The following TPD52L1 variants were observed in gnomAD, a reference collection of about 807,000 sequenced individuals.
TPD52L1 encodes tumor protein D53.
TPD52L1 carries 18 observed loss-of-function variants against 28.7 expected under a neutral mutation model. That is an observed-to-expected ratio of 0.63 (90% CI 0.43 to 0.93). The LOEUF (loss-of-function observed/expected upper bound fraction) is 0.93, where lower values mean the gene tolerates loss of function less well. TPD52L1 is among the 40% of genes least tolerant of loss of function. The pLI, the probability that TPD52L1 is intolerant of heterozygous loss-of-function variation, is 0.00. For missense variants in TPD52L1, 203 were observed against 254.8 expected, an observed-to-expected ratio of 0.80 and a Z score of 1.39; for synonymous variants, 75 against 88.8, an observed-to-expected ratio of 0.84 and a Z score of 0.88.
chr6:125,215,476 A>G (rs1421926630), intron 1 of TPD52L1, among the ~76,000 whole-genome samples: 1 of 152,210 alleles, frequency 6.6e-6, no homozygotes, highest in Non-Finnish European at 1.5e-5. Flanking sequence ...AAGATGTAAC[A>G]GGGAAAAATA....
chr6:125,234,423 G>A (rs1180054319), intron 3 of TPD52L1: 2 of 152,174 alleles, frequency 1.3e-5, no homozygotes, highest in Admixed American at 6.5e-5. Context: ...GCTGAAGTGA[G>A]GACAGGCACA....
intron 1 of TPD52L1, among the ~76,000 whole-genome samples, chr6:125,184,933 G>T (rs1040633783): frequency 2.0e-5 from 3 of 151,320 alleles, no homozygotes; most frequent in African/African-American, 7.3e-5. Context: ...TTAGGAATGT[G>T]TTGGATCAAA....
intron 4 of TPD52L1, among the ~76,000 whole-genome samples, chr6:125,249,217 T>C (rs1360981332): frequency 6.6e-6 from 1 of 151,714 alleles, no homozygotes; most frequent in East Asian, 1.9e-4. Flanking sequence ...AGTTTTATTT[T>C]GCATTTGGCT....
chr6:125,213,094 C>T (rs765037706), intron 1 of TPD52L1, among the ~76,000 whole-genome samples: 1 of 152,116 alleles, frequency 6.6e-6, no homozygotes, highest in South Asian at 2.1e-4. Context: ...ATTTACACTA[C>T]AGCTTGGTAT....
chr6:125,227,915 C>A (rs1440701670), intron 2 of TPD52L1, among the ~76,000 whole-genome samples: 1 of 152,136 alleles, frequency 6.6e-6, no homozygotes, highest in Non-Finnish European at 1.5e-5. Flanking sequence ...CCATACGAAG[C>A]CTTGTACATG....
intron 1 of TPD52L1, among the ~76,000 whole-genome samples, chr6:125,202,861 G>T (rs1190210042): frequency 6.8e-6 from 1 of 146,602 alleles, no homozygotes; most frequent in Non-Finnish European, 1.5e-5. Context: ...TGCCTCCCCG[G>T]TTCAAGCAAT....
intron 3 of TPD52L1, among the ~76,000 whole-genome samples, chr6:125,232,450 A>C (rs545122321): frequency 6.6e-6 from 1 of 152,058 alleles, no homozygotes; most frequent in Non-Finnish European, 1.5e-5. Flanking sequence ...TACCCATTCC[A>C]GGACAAAATC....
intron 1 of TPD52L1, among the ~76,000 whole-genome samples, chr6:125,210,190 C>T (rs1794403932): frequency 1.3e-5 from 2 of 152,160 alleles, no homozygotes; most frequent in African/African-American, 4.8e-5. Context: ...ACCTGTATAG[C>T]ACTTACTAGA....
At chr6:125,156,480 AGAG>A (rs780717953) in intron 1 of TPD52L1, among the ~76,000 whole-genome samples, 22 of 96,106 alleles carry the variant, frequency 2.3e-4, no homozygotes, top group East Asian at 7.7e-4. Flanking sequence ...AAAAAAAAAA[AGAG>A]AGAGATACAA....
At chr6:125,225,112 G>GTA (rs1283560487) in intron 2 of TPD52L1, among the ~76,000 whole-genome samples, 8 of 152,168 alleles carry the variant, frequency 5.3e-5, no homozygotes, top group African/African-American at 1.9e-4. Context: ...GGGACCTTTT[G>GTA]TGTCTGGCTT....
chr6:125,200,221 G>A (rs546248356), intron 1 of TPD52L1, among the ~76,000 whole-genome samples: 11 of 152,036 alleles, frequency 7.2e-5, no homozygotes, highest in African/African-American at 2.4e-4. Context: ...TCTTAAGATC[G>A]TTTGATCTAT....
chr6:125,205,062 T>C (rs1309115429), intron 1 of TPD52L1, among the ~76,000 whole-genome samples: 1 of 152,244 alleles, frequency 6.6e-6, no homozygotes, highest in Admixed American at 6.5e-5. Context: ...GATTTTGTTC[T>C]GAGGAAGGAA....
In TPD52L1 at chr6:125,264,092, T is replaced by C. The variant is rs914737303; in HGVS notation, c.*1130T>C. ...CCTTTCAGTTTGTAAATTGTTCACA[T>C]GTATGAAAATAACTGGTATTTATCA... On this transcript the variant is annotated 3_prime_UTR_variant, in exon 7 of 7. Coordinates refer to ENST00000534000, the MANE Select transcript of TPD52L1 (RefSeq NM_003287.4). The C allele has an allele frequency of 2.6e-5, 4 of 152,244 alleles. No individual in the cohort carries two copies. Among genetic ancestry groups the C allele is most frequent in the Admixed American group, 6.5e-5 (1 of 15,292 alleles). 9.4% of individuals were successfully genotyped at this position (152,244 alleles called of 1,614,324 possible).
At chr6:125,216,321 T>C (rs1794871094) in intron 1 of TPD52L1, among the ~76,000 whole-genome samples, 1 of 151,900 alleles carries the variant, frequency 6.6e-6, no homozygotes, top group Non-Finnish European at 1.5e-5. Flanking sequence ...TAGGAAGTCA[T>C]CGTGAAGCAC....
intron 5 of TPD52L1, among the ~76,000 whole-genome samples, chr6:125,254,779 A>G (rs932942286): frequency 6.6e-6 from 1 of 152,160 alleles, no homozygotes; most frequent in African/African-American, 2.4e-5. Context: ...AAGTTTGTAC[A>G]TCTGATTAAA....
intron 1 of TPD52L1, among the ~76,000 whole-genome samples, chr6:125,172,221 C>T (rs9491324): frequency 4.8e-5 from 6 of 125,912 alleles, no homozygotes; most frequent in East Asian, 2.3e-4. Flanking sequence ...TCTTTCTTTC[C>T]TTCCTTCCTC....
chr6:125,263,044 A>T lies in TPD52L1; in HGVS notation c.*82A>T. ...CTGTGCTTATCCAGATAAGAAGACC[A>T]AAATCCCGCTGGGAAAAACCCAGGC... is the stretch of plus-strand genomic sequence containing the variant. On this transcript the variant is annotated 3_prime_UTR_variant, in exon 7 of 7. Transcript: ENST00000534000. 1 of 1,453,574 alleles carries T rather than the reference A, an allele frequency of 6.9e-7. No homozygotes were observed. 90.0% of individuals were successfully genotyped at this position (1,453,574 alleles called of 1,614,324 possible).
intron 1 of TPD52L1, among the ~76,000 whole-genome samples, chr6:125,187,945 G>A (rs907947461): frequency 1.3e-5 from 2 of 149,562 alleles, no homozygotes; most frequent in African/African-American, 4.9e-5. Context: ...TTTTTTTAAT[G>A]ATGTCGAGGA....
chr6:125,193,213 G>A (rs553272817), intron 1 of TPD52L1, among the ~76,000 whole-genome samples: 2 of 152,156 alleles, frequency 1.3e-5, no homozygotes, highest in Non-Finnish European at 2.9e-5. Context: ...TTTCAAGTTG[G>A]GGGGATGGAG....
Sources: allele counts gnomAD v4.1 joint callset (sites outside exome capture counted in the v4.1 genomes callset), GRCh38; gene constraint gnomAD v4.1.1; transcripts MANE v1.5; gene names NCBI Gene and HGNC (gene_info 2026-07-23, HGNC 2026-07-21).